Variants in LRRC63 observed in about 807,000 individuals in gnomAD.
The protein encoded by LRRC63 is leucine-rich repeat-containing protein 63.
A neutral mutation model predicts 49.5 loss-of-function variants in LRRC63; 40 were observed. The observed-to-expected ratio is 0.81, with a 90% confidence interval of 0.63 to 1.05. The LOEUF is 1.05. LRRC63 is among the 50% of genes least tolerant of loss of function. LRRC63 has a pLI of 0.00. For missense variants in LRRC63, 636 were observed against 663.1 expected (o/e 0.96, Z 0.45); for synonymous variants, 191 against 221.1 (o/e 0.86, Z 1.21).
At chr13:46,275,058 T>C (rs950437812) in intron 9 of LRRC63, among the ~76,000 whole-genome samples, 2 of 152,296 alleles carry the variant, frequency 1.3e-5, no homozygotes, top group East Asian at 3.9e-4. Context: ...TCAATTTGTT[T>C]TTAGTTTCCA....
intron 5 of LRRC63, among the ~76,000 whole-genome samples, chr13:46,239,142 T>G (rs894978806): frequency 2.0e-5 from 3 of 151,870 alleles, no homozygotes; most frequent in Admixed American, 6.6e-5. Flanking sequence ...AAATCAGAGC[T>G]GAACTAAAGA....
intron 9 of LRRC63, among the ~76,000 whole-genome samples, chr13:46,270,774 C>G (rs2047747329): frequency 6.6e-6 from 1 of 152,190 alleles, no homozygotes; most frequent in Non-Finnish European, 1.5e-5. Flanking sequence ...TTTCCCCTCT[C>G]TGGCTTGCAT....
intron 4 of LRRC63, among the ~76,000 whole-genome samples, chr13:46,233,305 T>G (rs2046816987): frequency 6.6e-6 from 1 of 152,204 alleles, no homozygotes; most frequent in Non-Finnish European, 1.5e-5. Flanking sequence ...CTCCATTCTT[T>G]CTACCAAGCC....
rs559568553 is a variant in LRRC63 at position 46,217,817 on chromosome 13, C to G, written c.85+4698C>G. On this transcript the variant is annotated intron_variant, in intron 2 of 9. Coordinates refer to ENST00000595396, the Ensembl canonical transcript of LRRC63. Reference sequence around the variant, plus strand: ...TTCAGGTACATTGTGTCTTCGTTCTCATTGGTTTCAAAGGACTTATTTATT... The same window carrying G: ...TTCAGGTACATTGTGTCTTCGTTCTGATTGGTTTCAAAGGACTTATTTATT... Among the ~76,000 whole-genome samples the G allele has an allele frequency of 1.2e-4, 18 of 152,290 alleles. No individual in the cohort carries two copies. In the East Asian group the frequency reaches 3.5e-3, roughly 29 times the overall value.
At chr13:46,223,888 CA>C (rs1159068049) in intron 2 of LRRC63, among the ~76,000 whole-genome samples, 1 of 151,804 alleles carries the variant, frequency 6.6e-6, no homozygotes, top group Non-Finnish European at 1.5e-5. Context: ...CAACAAAAAA[CA>C]AAAAAAACCC....
intron 2 of LRRC63, among the ~76,000 whole-genome samples, chr13:46,214,864 T>G (rs989935700): frequency 3.3e-5 from 5 of 152,168 alleles, no homozygotes; most frequent in Non-Finnish European, 7.3e-5. Context: ...CACACAGTGT[T>G]TGGTTTTCTT....
At chr13:46,249,398 A>G (rs1477266173) in intron 6 of LRRC63, among the ~76,000 whole-genome samples, 2 of 151,898 alleles carry the variant, frequency 1.3e-5, no homozygotes, top group African/African-American at 2.4e-5. Flanking sequence ...AACAAGAGAA[A>G]AAGACAGAAG....
exon 3 of LRRC63, chr13:46,227,677 C>G (rs988279725): frequency 6.5e-7 from 1 of 1,550,372 alleles, no homozygotes; most frequent in Non-Finnish European, 8.7e-7. Context: ...GAAAGAGTGA[C>G]TGCAATTTCA....
intron 7 of LRRC63, among the ~76,000 whole-genome samples, chr13:46,255,645 AATATATATAT>A (rs142798828): frequency 7.7e-6 from 1 of 129,468 alleles, no homozygotes; most frequent in South Asian, 2.7e-4. Flanking sequence ...CCCTGCCTCA[AATATATATAT>A]ATATATATAT....
chr13:46,243,752 C>T (rs569271214), intron 5 of LRRC63, among the ~76,000 whole-genome samples: 11 of 152,320 alleles, frequency 7.2e-5, no homozygotes, highest in African/African-American at 2.6e-4. Context: ...GCTGGGATAA[C>T]AGGCATGAGC....
exon 7 of LRRC63, chr13:46,250,487 A>G (rs780538404): frequency 1.5e-4 from 227 of 1,531,396 alleles, no homozygotes; most frequent in Non-Finnish European, 1.9e-4. Context: ...TGTTCTTCCA[A>G]TTGGGTAAGG....
chr13:46,266,584 C>A (rs980231288), intron 8 of LRRC63, 149 bp from the exon 9 acceptor site: 4 of 677,264 alleles, frequency 5.9e-6, no homozygotes, highest in South Asian at 4.8e-5. Flanking sequence ...TAAATTAATT[C>A]TCTTGATTCT....
chr13:46,228,267 C>T (rs1277554928), intron 3 of LRRC63, 78 bp downstream of exon 3: 1 of 1,117,944 alleles, frequency 8.9e-7, no homozygotes, highest in African/African-American at 1.6e-5. Flanking sequence ...GCTAATGGTA[C>T]CCCTCCCGCT....
At chr13:46,218,289 A>G (rs2046310719) in intron 2 of LRRC63, among the ~76,000 whole-genome samples, 1 of 152,146 alleles carries the variant, frequency 6.6e-6, no homozygotes, top group Non-Finnish European at 1.5e-5. Context: ...GTGCTCCTGT[A>G]TTGGGTATAT....
chr13:46,246,634 A>G lies in LRRC63; in HGVS notation c.1089+9A>G, dbSNP rs1384959754. On this transcript the variant is annotated intron_variant, in intron 6 of 9. Coordinates refer to ENST00000595396, the Ensembl canonical transcript of LRRC63. ...ATTACTTTCCCACAGAAGTGAGTCA[A>G]CTTTTATTGTTATGTACTGATATAA... is the stretch of plus-strand genomic sequence containing the variant. 3 of 1,306,540 alleles carry G rather than the reference A, an allele frequency of 2.3e-6. No individual in the cohort carries two copies. The highest frequency in any genetic ancestry group is 3.0e-6 in the Non-Finnish European group (3 of 989,344). The allele number at this position is 1,306,540 out of a possible 1,614,324, so 80.9% of individuals were successfully genotyped here. A position where few individuals can be genotyped will look rare whatever the true frequency, so the allele number is the denominator to read the frequency against.
chr13:46,245,374 G>T (rs1439142225), intron 5 of LRRC63, among the ~76,000 whole-genome samples: 7 of 152,108 alleles, frequency 4.6e-5, no homozygotes, highest in Admixed American at 2.0e-4. Context: ...AACATTTATA[G>T]AATGATACAT....
At chr13:46,250,535 T>A in intron 7 of LRRC63, 44 bp downstream of exon 7, 1 of 1,422,230 alleles carries the variant, frequency 7.0e-7, no homozygotes, top group Non-Finnish European at 9.4e-7. Flanking sequence ...AAATAATTCA[T>A]AATTTCGAAA....
intron 9 of LRRC63, among the ~76,000 whole-genome samples, chr13:46,269,899 C>CTATACACACA (rs757634528): frequency 3.5e-5 from 4 of 114,312 alleles, no homozygotes; most frequent in Non-Finnish European, 7.9e-5. Context: ...ATAGTAGACA[C>CTATACACACA]TATATACATA....
intron 5 of LRRC63, among the ~76,000 whole-genome samples, chr13:46,235,436 T>G (rs954058275): frequency 1.3e-5 from 2 of 151,770 alleles, no homozygotes; most frequent in African/African-American, 4.8e-5. Flanking sequence ...ATACAATAAC[T>G]GAAATGAAAA....
Sources: gnomAD v4.1 joint callset for allele counts (sites outside exome capture counted in the v4.1 genomes callset) on GRCh38, gnomAD v4.1.1 for gene constraint, MANE v1.5 for transcripts, NCBI Gene and HGNC (gene_info 2026-07-23, HGNC 2026-07-21) for gene names.